MDFIC2: variants seen among roughly 807,000 people sequenced by gnomAD.
MDFIC2 encodes the protein MyoD family inhibitor domain containing 2.
chr3:70,274,127 G>A (rs892662092), intron 2 of MDFIC2, among the ~76,000 whole-genome samples: 1 of 150,638 alleles, frequency 6.6e-6, no homozygotes, highest in Non-Finnish European at 1.5e-5. Context: ...CTGGGCTAAA[G>A]AAATACCTTT....
intron 2 of MDFIC2, among the ~76,000 whole-genome samples, chr3:70,262,003 T>C (rs541754762): frequency 6.6e-6 from 1 of 152,304 alleles, no homozygotes; most frequent in African/African-American, 2.4e-5. Context: ...CCATAAGAGT[T>C]TGATCTAACC....
At chr3:70,264,823 C>T (rs917469263) in intron 2 of MDFIC2, among the ~76,000 whole-genome samples, 6 of 151,918 alleles carry the variant, frequency 3.9e-5, no homozygotes, top group African/African-American at 7.3e-5. Flanking sequence ...GTAGGGACAT[C>T]GGGGATGTAT....
chr3:70,296,128 T>A (rs957466424), intron 2 of MDFIC2, among the ~76,000 whole-genome samples: 1 of 152,040 alleles, frequency 6.6e-6, no homozygotes, highest in Non-Finnish European at 1.5e-5. Flanking sequence ...GAAAGCCTTT[T>A]TTATCAGTAC....
At chr3:70,218,559 C>T (rs1701435463) in intron 2 of MDFIC2, among the ~76,000 whole-genome samples, 1 of 152,068 alleles carries the variant, frequency 6.6e-6, no homozygotes, top group African/African-American at 2.4e-5. Flanking sequence ...ACAGCAGCTG[C>T]AGTAGTGGCC....
intron 2 of MDFIC2, among the ~76,000 whole-genome samples, chr3:70,224,614 T>G (rs770899654): frequency 6.6e-6 from 1 of 152,198 alleles, no homozygotes; most frequent in Non-Finnish European, 1.5e-5. Context: ...GCTTCTCAAG[T>G]GCCAGAGGCA....
At chr3:70,289,745 G>C (rs1014833629) in intron 2 of MDFIC2, among the ~76,000 whole-genome samples, 1 of 152,182 alleles carries the variant, frequency 6.6e-6, no homozygotes, top group Non-Finnish European at 1.5e-5. Flanking sequence ...ATTTCTTGGA[G>C]GGTTTGCTCG....
intron 2 of MDFIC2, among the ~76,000 whole-genome samples, chr3:70,278,099 C>T (rs2320474): frequency 0.61 from 92,863 of 152,004 alleles, 29,942 homozygotes; most frequent in Non-Finnish European, 0.73. Flanking sequence ...TCATTTCCCC[C>T]GCCTCCCAGT....
intron 2 of MDFIC2, among the ~76,000 whole-genome samples, chr3:70,306,007 T>G (rs1362883616): frequency 2.6e-5 from 4 of 152,186 alleles, no homozygotes; most frequent in South Asian, 2.1e-4. Flanking sequence ...ACCAGTGTAT[T>G]CAAGGTGCCA....
chr3:70,290,661 C>T (rs1002594111), intron 2 of MDFIC2, among the ~76,000 whole-genome samples: 1 of 152,184 alleles, frequency 6.6e-6, no homozygotes, highest in Admixed American at 6.5e-5. Flanking sequence ...CCCCTAGCCT[C>T]GCTGCCGCCT....
At chr3:70,311,064 T>C (rs1215997100) in intron 2 of MDFIC2, among the ~76,000 whole-genome samples, 2 of 152,218 alleles carry the variant, frequency 1.3e-5, no homozygotes, top group Admixed American at 6.5e-5. Context: ...GTTATTGTTA[T>C]CATTATTTTG....
intron 3 of MDFIC2, among the ~76,000 whole-genome samples, chr3:70,198,697 T>C (rs1388762673): frequency 6.6e-6 from 1 of 152,172 alleles, no homozygotes; most frequent in Non-Finnish European, 1.5e-5. Flanking sequence ...CATATATTGT[T>C]GCAGGTGCTG....
chr3:70,213,993 A>T (rs1383039251), intron 2 of MDFIC2, among the ~76,000 whole-genome samples: 2 of 152,144 alleles, frequency 1.3e-5, no homozygotes, highest in African/African-American at 4.8e-5. Flanking sequence ...TCAAGAAAAA[A>T]TATATTTTCT....
intron 2 of MDFIC2, among the ~76,000 whole-genome samples, chr3:70,293,353 T>G (rs1323913901): frequency 6.6e-6 from 1 of 152,144 alleles, no homozygotes; most frequent in Non-Finnish European, 1.5e-5. Context: ...TATTAATACA[T>G]TAAATAAGAC....
intron 2 of MDFIC2, among the ~76,000 whole-genome samples, chr3:70,273,588 A>G (rs139608316): frequency 1.0e-3 from 153 of 152,266 alleles, no homozygotes; most frequent in Admixed American, 2.0e-3. Flanking sequence ...AAAAAAAGAA[A>G]TGCAGGTCTT....
chr3:70,283,001 A>G (rs1012904126), intron 2 of MDFIC2, among the ~76,000 whole-genome samples: 4 of 152,330 alleles, frequency 2.6e-5, no homozygotes, highest in Admixed American at 1.3e-4. Flanking sequence ...ATGGAGCAGG[A>G]GACTGAAAAA....
chr3:70,206,464 A>G (rs544614504), intron 3 of MDFIC2, 105 bp downstream of exon 3: 86 of 395,570 alleles, frequency 2.2e-4, no homozygotes, highest in Admixed American at 3.5e-4. Flanking sequence ...TTCGTGTTTA[A>G]TATTCATAAG....
chr3:70,295,840 A>G (rs189649661), intron 2 of MDFIC2, among the ~76,000 whole-genome samples: 3 of 152,294 alleles, frequency 2.0e-5, no homozygotes, highest in African/African-American at 7.2e-5. Flanking sequence ...CTTATTTTTT[A>G]TGAAGCTGAA....
At chr3:70,286,452 G>T (rs889983964) in intron 2 of MDFIC2, among the ~76,000 whole-genome samples, 4 of 151,728 alleles carry the variant, frequency 2.6e-5, no homozygotes, top group Non-Finnish European at 4.4e-5. Context: ...TGCTGTTTTG[G>T]TTACTGTAGC....
intron 2 of MDFIC2, among the ~76,000 whole-genome samples, chr3:70,209,834 G>A (rs1458220540): frequency 2.6e-5 from 4 of 152,004 alleles, no homozygotes; most frequent in Admixed American, 1.3e-4. Flanking sequence ...TTACACACTC[G>A]CCTTTCCCTT....
Sources: allele counts gnomAD v4.1 joint callset (sites outside exome capture counted in the v4.1 genomes callset), GRCh38; gene constraint gnomAD v4.1.1; transcripts MANE v1.5; gene names NCBI Gene and HGNC (gene_info 2026-07-23, HGNC 2026-07-21).